The following FAM83B variants were observed in gnomAD, a reference collection of about 807,000 sequenced individuals.
FAM83B encodes protein FAM83B.
Under a neutral mutation model 38.8 loss-of-function variants are expected in FAM83B, and 26 were observed. The ratio of observed to expected loss-of-function variants is 0.67; its 90% CI spans 0.49 to 0.93. The LOEUF is 0.93. Ranked by LOEUF, FAM83B falls within the 40% of genes least tolerant of loss-of-function variation. The pLI, the probability that FAM83B is intolerant of heterozygous loss-of-function variation, is 0.00. For synonymous variants in FAM83B, 419 were observed against 423.1 expected (o/e 0.99, Z 0.12); for missense variants, 1,237 against 1,197.3 (o/e 1.03, Z -0.49).
chr6:54,866,050 A>G (rs1345211437), intron 1 of FAM83B, among the ~76,000 whole-genome samples: 1 of 151,798 alleles, frequency 6.6e-6, no homozygotes, highest in African/African-American at 2.4e-5. Flanking sequence ...CCAAGAAGAT[A>G]AAGACTGTTG....
At chr6:54,919,093 G>T (rs2127586669) in intron 2 of FAM83B, among the ~76,000 whole-genome samples, 1 of 152,208 alleles carries the variant, frequency 6.6e-6, no homozygotes, top group Non-Finnish European at 1.5e-5. Context: ...AAGTACTGAG[G>T]AAGTTAGAAC....
At chr6:54,864,820 AT>A (rs1268590730) in intron 1 of FAM83B, among the ~76,000 whole-genome samples, 1 of 152,154 alleles carries the variant, frequency 6.6e-6, no homozygotes, top group African/African-American at 2.4e-5. Flanking sequence ...TTTATGAAAC[AT>A]TTTCTTACAT....
chr6:54,902,693 G>A (rs991811658), intron 2 of FAM83B, among the ~76,000 whole-genome samples: 1 of 148,306 alleles, frequency 6.7e-6, no homozygotes, highest in African/African-American at 2.6e-5. Context: ...TTGTGTAAAT[G>A]TCAGATTGTC....
intron 4 of FAM83B, among the ~76,000 whole-genome samples, chr6:54,931,719 A>G (rs1442844510): frequency 6.6e-6 from 1 of 152,042 alleles, no homozygotes; most frequent in Non-Finnish European, 1.5e-5. Flanking sequence ...TCTTGAAGAT[A>G]GCATATATTT....
intron 2 of FAM83B, among the ~76,000 whole-genome samples, chr6:54,911,138 A>AGT (rs1554148147): frequency 5.6e-5 from 4 of 72,072 alleles, no homozygotes; most frequent in African/African-American, 3.0e-4. Flanking sequence ...AATGACACAC[A>AGT]GCGTGTGTGT....
chr6:54,866,993 T>A (rs981759913), intron 1 of FAM83B, among the ~76,000 whole-genome samples: 4 of 151,922 alleles, frequency 2.6e-5, no homozygotes, highest in African/African-American at 7.2e-5. Context: ...TTTTGAGGCA[T>A]GGATTTGTAA....
chr6:54,906,800 T>G (rs1422479582), intron 2 of FAM83B, among the ~76,000 whole-genome samples: 1 of 152,192 alleles, frequency 6.6e-6, no homozygotes, highest in African/African-American at 2.4e-5. Context: ...AAAATGGTGA[T>G]TTGATAGAGG....
intron 4 of FAM83B, among the ~76,000 whole-genome samples, chr6:54,929,084 A>G (rs139487823): frequency 3.7e-4 from 57 of 152,266 alleles, no homozygotes; most frequent in Middle Eastern, 3.4e-3. Flanking sequence ...CTAACACTCT[A>G]TTCTCTGTGT....
At chr6:54,911,296 G>A (rs1231442338) in intron 2 of FAM83B, among the ~76,000 whole-genome samples, 2 of 149,898 alleles carry the variant, frequency 1.3e-5, no homozygotes, top group African/African-American at 4.9e-5. Context: ...GGAAGTTTGA[G>A]TTAAAGAAAA....
At chr6:54,898,836 G>A (rs1772594392) in intron 2 of FAM83B, among the ~76,000 whole-genome samples, 1 of 152,072 alleles carries the variant, frequency 6.6e-6, no homozygotes, top group South Asian at 2.1e-4. Flanking sequence ...ATGATCTTTT[G>A]CTTGGACTGT....
chr6:54,944,739 A>G lies in FAM83B; in HGVS notation c.*2732A>G, dbSNP rs976118204. Reference sequence around the variant, plus strand: ...TGTGTTCTGCCTTATGCCTGTGGCTAAGGGATGCAAAGTAGAATTGCTTTA... The same window carrying G: ...TGTGTTCTGCCTTATGCCTGTGGCTGAGGGATGCAAAGTAGAATTGCTTTA... On this transcript the variant is annotated 3_prime_UTR_variant, in exon 5 of 5. Coordinates refer to ENST00000306858, the MANE Select transcript of FAM83B (RefSeq NM_001010872.3). 1.3e-5 allele frequency: 2 copies of G among 152,176 alleles called. No homozygotes were observed. Among genetic ancestry groups the G allele is most frequent in the Non-Finnish European group, 2.9e-5 (2 of 68,022 alleles). The allele number at this position is 152,176 out of a possible 1,614,324, so 9.4% of individuals were successfully genotyped here. A position where few individuals can be genotyped will look rare whatever the true frequency, so the allele number is the denominator to read the frequency against.
At chr6:54,863,046 C>T (rs987679120) in intron 1 of FAM83B, among the ~76,000 whole-genome samples, 26 of 152,020 alleles carry the variant, frequency 1.7e-4, no homozygotes, top group Admixed American at 1.7e-3. Context: ...TGTAGGAAAC[C>T]ACAACACACC....
At chr6:54,913,155 A>G (rs1772952155) in intron 2 of FAM83B, among the ~76,000 whole-genome samples, 1 of 152,090 alleles carries the variant, frequency 6.6e-6, no homozygotes, top group Non-Finnish European at 1.5e-5. Context: ...AAATGGGAAT[A>G]GGAAGTTTTG....
rs1325077778 is a variant in FAM83B, at chr6:54,940,885, A to G, written c.1914A>G (p.Ile638Met). The G allele has an allele frequency of 1.9e-6, 3 of 1,613,740 alleles. No individual in the cohort carries two copies. Among genetic ancestry groups the G allele is most frequent in the Admixed American group, 1.7e-5 (1 of 59,948 alleles). The change falls in exon 5 of 5, where the codon ATA (isoleucine) becomes ATG (methionine). Residue 638 changes from isoleucine (I) to methionine (M), a missense_variant. By Grantham distance (10) the Ile-to-Met change is conservative. Coordinates refer to ENST00000306858, the MANE Select transcript of FAM83B (RefSeq NM_001010872.3). Reference sequence around the variant, plus strand: ...GCCATACTGAATCAAATAACTATATATATAAAACCTTGGGTGTAAATAAGC... The same window carrying G: ...GCCATACTGAATCAAATAACTATATGTATAAAACCTTGGGTGTAAATAAGC... ...TNGHTESNNY[I>M]YKTLGVNKQT... is the part of the protein sequence containing the mutation.
intron 1 of FAM83B, among the ~76,000 whole-genome samples, chr6:54,849,471 G>GA (rs1433961533): frequency 2.0e-5 from 3 of 151,482 alleles, no homozygotes; most frequent in Non-Finnish European, 2.9e-5. Context: ...TGCTGGGGAG[G>GA]AGGGTGCACT....
intron 4 of FAM83B, among the ~76,000 whole-genome samples, chr6:54,930,736 ATTTG>A (rs1227656266): frequency 1.3e-5 from 2 of 151,028 alleles, no homozygotes; most frequent in Non-Finnish European, 3.0e-5. Flanking sequence ...TTTTTTCCCT[ATTTG>A]TTTTTGTTTT....
At chr6:54,848,111 T>A (rs1336573297) in intron 1 of FAM83B, among the ~76,000 whole-genome samples, 1 of 31,640 alleles carries the variant, frequency 3.2e-5, no homozygotes, top group African/African-American at 2.0e-4. Context: ...GGAGTGGGGG[T>A]GGGGGTGGCG....
At chr6:54,877,912 T>C (rs1381163920) in intron 2 of FAM83B, among the ~76,000 whole-genome samples, 1 of 152,030 alleles carries the variant, frequency 6.6e-6, no homozygotes, top group Admixed American at 6.6e-5. Flanking sequence ...TGGGTGTAGA[T>C]GTGGAAGCAT....
At position 54,870,201 on chromosome 6, in the gene FAM83B, T is replaced by C. The variant is rs752115650; in HGVS notation, c.-46T>C. 11 of 1,450,478 alleles carry C rather than the reference T, an allele frequency of 7.6e-6. No individual in the cohort carries two copies. The African/African-American group carries it at 8.4e-5, about 11-fold the overall frequency. The allele number at this position is 1,450,478 out of a possible 1,614,324, so 89.9% of individuals were successfully genotyped here. ...TCAAATACCAGATACTTCTCACCACTGCATGAATGGACATTTGAAAGTGCC... is the reference window on the plus strand; with the variant it reads ...TCAAATACCAGATACTTCTCACCACCGCATGAATGGACATTTGAAAGTGCC... On this transcript the variant is annotated 5_prime_UTR_variant, in exon 2 of 5. Transcript: ENST00000306858.
Sources: allele counts gnomAD v4.1 joint callset (sites outside exome capture counted in the v4.1 genomes callset), GRCh38; gene constraint gnomAD v4.1.1; transcripts MANE v1.5; gene names NCBI Gene and HGNC (gene_info 2026-07-23, HGNC 2026-07-21).